The following PRKAA2 variants were observed in gnomAD, a reference collection of about 807,000 sequenced individuals.
PRKAA2 encodes the protein protein kinase AMP-activated catalytic subunit alpha 2, also known as 5'-AMP-activated protein kinase catalytic subunit alpha-2.
A neutral mutation model predicts 56.3 loss-of-function variants in PRKAA2; 40 were observed. The observed-to-expected ratio is 0.71, with a 90% CI of 0.55 to 0.92. The LOEUF is 0.92. Ranked by LOEUF, PRKAA2 falls within the 40% of genes least tolerant of loss-of-function variation. The pLI is 0.00. For missense variants in PRKAA2, 542 were observed against 686.9 expected, an observed-to-expected ratio of 0.79 and a Z score of 2.36; for synonymous variants, 214 against 234.2, an observed-to-expected ratio of 0.91 and a Z score of 0.79.
chr1:56,687,782 G>A (rs1367119490), intron 2 of PRKAA2, among the ~76,000 whole-genome samples: 2 of 152,008 alleles, frequency 1.3e-5, no homozygotes, highest in East Asian at 1.9e-4. Context: ...CACCAAAAAG[G>A]TGTACTCATG....
chr1:56,680,888 G>A (rs912485114), intron 2 of PRKAA2, among the ~76,000 whole-genome samples: 18 of 152,242 alleles, frequency 1.2e-4, no homozygotes, highest in Non-Finnish European at 1.9e-4. Flanking sequence ...ATGGGATGGC[G>A]GGTCAAATGG....
chr1:56,706,132 C>T lies in PRKAA2; in HGVS notation c.1334C>T (p.Pro445Leu). The change falls in exon 8 of 9, where the codon CCA (proline) becomes CTA (leucine). Residue 445 changes from proline to leucine, a missense_variant. Transcript: ENST00000371244. ...CATCTTCGTGTAAGAAGAAAAAATC[C>T]AGTGACTGGCAATTACGTGAAAATG... ...AYHLRVRRKN[P>L]VTGNYVKMSL... 6.2e-7 allele frequency: 1 copy of T among 1,612,670 alleles called. No homozygotes were observed. Among genetic ancestry groups the T allele is most frequent in the Non-Finnish European group, 8.5e-7 (1 of 1,178,858 alleles).
At chr1:56,645,560 C>T (rs1646633340) in intron 1 of PRKAA2, 79 bp downstream of exon 1, 2 of 1,318,716 alleles carry the variant, frequency 1.5e-6, no homozygotes, top group Non-Finnish European at 1.0e-6. Context: ...AGCCCCGGGC[C>T]TCCGGCGGGC....
At chr1:56,695,197 T>TATG (rs1243769237) in intron 5 of PRKAA2, among the ~76,000 whole-genome samples, 2,390 of 147,420 alleles carry the variant, frequency 0.016, 64 homozygotes, top group African/African-American at 0.057. Context: ...TATATATATA[T>TATG]ATATATTTTT....
intron 1 of PRKAA2, among the ~76,000 whole-genome samples, chr1:56,665,892 A>C (rs1291896470): frequency 6.6e-6 from 1 of 152,088 alleles, no homozygotes; most frequent in Non-Finnish European, 1.5e-5. Context: ...TAATGCCCGG[A>C]CCTTGACTAA....
At position 56,707,538 on chromosome 1, in the gene PRKAA2, TACAC is replaced by T; in HGVS notation, c.1486_1489del (p.His496AspfsTer24). The T allele has an allele frequency of 6.2e-7, 1 of 1,614,188 alleles. No individual in the cohort carries two copies. The highest frequency in any genetic ancestry group is 8.5e-7 in the Non-Finnish European group (1 of 1,180,030). On this transcript the variant is annotated frameshift_variant, in exon 9 of 9. Transcript: ENST00000371244. LOFTEE classifies it high-confidence loss of function. ...CAGCGTTCCTGTTCTGCTGCTGGCT[TACAC>T]AGACCAAGATCAAGTTTTGATTCCA...
chr1:56,652,631 C>T (rs1479319738), intron 1 of PRKAA2, among the ~76,000 whole-genome samples: 1 of 152,156 alleles, frequency 6.6e-6, no homozygotes, highest in Non-Finnish European at 1.5e-5. Context: ...TTTCCTCCTT[C>T]GTAATATGGC....
intron 6 of PRKAA2, among the ~76,000 whole-genome samples, chr1:56,699,081 C>G (rs1644277221): frequency 6.6e-6 from 1 of 152,116 alleles, no homozygotes. Context: ...AGTCATAGAT[C>G]AAACCTTGTG....
At chr1:56,672,527 A>T (rs1245754089) in intron 1 of PRKAA2, among the ~76,000 whole-genome samples, 1 of 152,136 alleles carries the variant, frequency 6.6e-6, no homozygotes, top group Non-Finnish European at 1.5e-5. Context: ...GATAATTAAA[A>T]CTATGGGAGA....
chr1:56,648,945 A>G (rs1270699292), intron 1 of PRKAA2, among the ~76,000 whole-genome samples: 1 of 152,134 alleles, frequency 6.6e-6, no homozygotes, highest in Non-Finnish European at 1.5e-5. Flanking sequence ...TTCTTTGTAA[A>G]TTGTGGATAC....
chr1:56,662,121 T>C (rs1298544753), intron 1 of PRKAA2, among the ~76,000 whole-genome samples: 1 of 152,184 alleles, frequency 6.6e-6, no homozygotes, highest in African/African-American at 2.4e-5. Context: ...TAGTAAAGAT[T>C]GATACATTTG....
intron 1 of PRKAA2, among the ~76,000 whole-genome samples, chr1:56,650,003 G>A (rs1366886253): frequency 2.6e-5 from 4 of 152,232 alleles, no homozygotes; most frequent in Admixed American, 2.6e-4. Context: ...GCTGAGGCAG[G>A]AGAATCACTT....
rs373785367 is a variant in PRKAA2 at position 56,707,728 on chromosome 1, C to G, written c.*15C>G. 12 of 1,554,050 alleles carry G rather than the reference C, an allele frequency of 7.7e-6. No homozygotes were observed. In the African/African-American group the frequency reaches 8.2e-5, roughly 11 times the overall value. On this transcript the variant is annotated 3_prime_UTR_variant, in exon 9 of 9. Coordinates refer to ENST00000371244, the MANE Select transcript of PRKAA2 (RefSeq NM_006252.4). ...TAGCCCGTTGATCTGTCTCTAGTTT[C>G]TTTCTGTTATTGCACTATGAAAATC...
intron 2 of PRKAA2, among the ~76,000 whole-genome samples, chr1:56,690,145 A>T (rs924028954): frequency 6.6e-6 from 1 of 151,740 alleles, no homozygotes; most frequent in East Asian, 1.9e-4. Context: ...TAAATAACAT[A>T]AGCATAGTAT....
chr1:56,706,131 C>G lies in PRKAA2; in HGVS notation c.1333C>G (p.Pro445Ala). 1 of 1,612,572 alleles carries G rather than the reference C, an allele frequency of 6.2e-7. No individual in the cohort carries two copies. The highest frequency in any genetic ancestry group is 8.5e-7 in the Non-Finnish European group (1 of 1,178,766). ...AYHLRVRRKN[P>A]VTGNYVKMSL... Reference sequence around the variant, plus strand: ...CCATCTTCGTGTAAGAAGAAAAAATCCAGTGACTGGCAATTACGTGAAAAT... The same window carrying G: ...CCATCTTCGTGTAAGAAGAAAAAATGCAGTGACTGGCAATTACGTGAAAAT... Residue 445 changes from proline to alanine, a missense_variant, in exon 8 of 9, where the codon CCA (proline) becomes GCA (alanine). Coordinates refer to ENST00000371244, the MANE Select transcript of PRKAA2 (RefSeq NM_006252.4).
In PRKAA2 at chr1:56,645,366, A is replaced by C. The variant is rs1375794693; in HGVS notation, c.-22A>C. The C allele has an allele frequency of 1.4e-6, 2 of 1,450,668 alleles. No individual in the cohort carries two copies. The highest frequency in any genetic ancestry group is 1.8e-6 in the Non-Finnish European group (2 of 1,091,006). The allele number at this position is 1,450,668 out of a possible 1,614,324, so 89.9% of individuals were successfully genotyped here. ...GGCTACGCGGAGCGGCAGGCGGTGGAGCGAGGCCGCGCGCGCCGAAGATGG... is the reference window on the plus strand; with the variant it reads ...GGCTACGCGGAGCGGCAGGCGGTGGCGCGAGGCCGCGCGCGCCGAAGATGG... On this transcript the variant is annotated 5_prime_UTR_variant, in exon 1 of 9. Transcript: ENST00000371244.
intron 7 of PRKAA2, 84 bp from the exon 8 acceptor site, chr1:56,706,008 C>T (rs1644329281): frequency 8.5e-7 from 1 of 1,173,384 alleles, no homozygotes. Context: ...CTACCTCACC[C>T]CTATTAATTA....
chr1:56,694,216 A>G (rs1232985932), intron 5 of PRKAA2, among the ~76,000 whole-genome samples: 1 of 152,212 alleles, frequency 6.6e-6, no homozygotes, highest in Non-Finnish European at 1.5e-5. Context: ...TTTCCAAAGT[A>G]TATAGAGCAT....
chr1:56,705,932 A>C (rs915023245), intron 7 of PRKAA2, among the ~76,000 whole-genome samples, 160 bp from the exon 8 acceptor site: 3 of 152,172 alleles, frequency 2.0e-5, no homozygotes, highest in Admixed American at 2.0e-4. Flanking sequence ...AGTACTGCTT[A>C]GTGGGGATTA....
Sources: allele counts gnomAD v4.1 joint callset (sites outside exome capture counted in the v4.1 genomes callset), GRCh38; gene constraint gnomAD v4.1.1; transcripts MANE v1.5; gene names NCBI Gene and HGNC (gene_info 2026-07-23, HGNC 2026-07-21).